The following STARD13 variants were observed in gnomAD, a reference collection of about 807,000 sequenced individuals.
STARD13 encodes the protein StAR related lipid transfer domain containing 13, also known as stAR-related lipid transfer protein 13.
STARD13 carries 62 observed loss-of-function variants against 106.4 expected under a neutral mutation model. The observed-to-expected ratio is 0.58, with a 90% CI of 0.48 to 0.72. The LOEUF (loss-of-function observed/expected upper bound fraction) is 0.72, where lower values mean the gene tolerates loss of function less well. Among genes scored for constraint, STARD13 ranks in the 30% least tolerant of loss-of-function variants. The pLI is 0.00. For synonymous variants in STARD13, 565 were observed against 553.0 expected, an observed-to-expected ratio of 1.02 and a Z score of -0.31; for missense variants, 1,387 against 1,424.0, an observed-to-expected ratio of 0.97 and a Z score of 0.42.
chr13:33,153,718 G>C (rs1404519395), intron 3 of STARD13, among the ~76,000 whole-genome samples: 2 of 152,220 alleles, frequency 1.3e-5, no homozygotes, highest in Non-Finnish European at 2.9e-5. Context: ...CTCTCGTGTT[G>C]ATTTAATGAC....
rs182530841 is a variant in STARD13, at chr13:33,156,718, C to A, written c.323+8619G>T. Among the ~76,000 whole-genome samples, 398 of 152,210 alleles carry A rather than the reference C, an allele frequency of 2.6e-3. 3 individuals are homozygous for A. Among genetic ancestry groups the A allele is most frequent in the African/African-American group, 9.3e-3 (385 of 41,508 alleles). ...CTGAAGAGCTTAAAACAGACAGGAG[C>A]CTATCTTACAGTGTTACCATGAGAA... On this transcript the variant is annotated intron_variant, in intron 3 of 13. Coordinates refer to ENST00000336934, the MANE Select transcript of STARD13 (RefSeq NM_178006.4).
the STARD13 span, among the ~76,000 whole-genome samples, chr13:33,605,100 G>A: frequency 1.4e-4 from 22 of 151,820 alleles, no homozygotes; most frequent in African/African-American, 4.8e-4. Context: ...TTAGCTGGGT[G>A]TGGTGGTGTG....
chr13:33,223,150 C>T (rs1888444097), intron 1 of STARD13, among the ~76,000 whole-genome samples: 1 of 152,226 alleles, frequency 6.6e-6, no homozygotes, highest in Non-Finnish European at 1.5e-5. Flanking sequence ...ATTACCCAGC[C>T]TGTGCTGGCA....
chr13:33,324,394 C>T (rs114103366), intron 1 of STARD13, among the ~76,000 whole-genome samples: 46 of 152,280 alleles, frequency 3.0e-4, no homozygotes, highest in African/African-American at 1.0e-3. Context: ...AGGGCTGATA[C>T]TGAACTTAGA....
At chr13:33,528,394 G>C in the STARD13 span, among the ~76,000 whole-genome samples, 4 of 150,052 alleles carry the variant, frequency 2.7e-5, no homozygotes, top group Admixed American at 6.7e-5. Flanking sequence ...TTCAGTCTCC[G>C]ATGTAGCTGA....
chr13:33,653,290 C>T, the STARD13 span, among the ~76,000 whole-genome samples: 2 of 152,054 alleles, frequency 1.3e-5, no homozygotes, highest in African/African-American at 2.4e-5. Flanking sequence ...TATAAACTTG[C>T]AGTAATCAAA....
chr13:33,118,826 A>G (rs1238273123), intron 7 of STARD13, among the ~76,000 whole-genome samples: 2 of 152,244 alleles, frequency 1.3e-5, no homozygotes, highest in African/African-American at 2.4e-5. Flanking sequence ...GACTAATATC[A>G]TAAGTACATA....
chr13:33,204,295 T>C (rs980238639), intron 1 of STARD13, among the ~76,000 whole-genome samples: 24 of 152,214 alleles, frequency 1.6e-4, no homozygotes, highest in African/African-American at 5.8e-4. Flanking sequence ...AACAACAGTA[T>C]GTTCCAGTAT....
At chr13:33,665,877 G>C in the STARD13 span, among the ~76,000 whole-genome samples, 2 of 152,138 alleles carry the variant, frequency 1.3e-5, no homozygotes, top group Non-Finnish European at 2.9e-5. Context: ...ATTAATGAGA[G>C]TCTCAAGGGG....
chr13:33,319,379 G>A (rs1893465694), intron 1 of STARD13, among the ~76,000 whole-genome samples: 2 of 152,132 alleles, frequency 1.3e-5, no homozygotes, highest in African/African-American at 2.4e-5. Flanking sequence ...ACTGTTGGAG[G>A]GAGGGGAAAT....
chr13:33,477,091 A>T, the STARD13 span, among the ~76,000 whole-genome samples: 2 of 152,282 alleles, frequency 1.3e-5, no homozygotes, highest in Non-Finnish European at 2.9e-5. Flanking sequence ...ATGCCCAAAC[A>T]GCTGACAAAT....
At chr13:33,147,182 C>A (rs905230847) in intron 3 of STARD13, among the ~76,000 whole-genome samples, 38 of 152,020 alleles carry the variant, frequency 2.5e-4, no homozygotes, top group Non-Finnish European at 1.2e-4. Context: ...AAGATGCTAA[C>A]CAAAAAGCTT....
chr13:33,524,749 T>C, the STARD13 span, among the ~76,000 whole-genome samples: 14 of 152,226 alleles, frequency 9.2e-5, no homozygotes, highest in South Asian at 2.9e-3. Flanking sequence ...ATTGTATATA[T>C]TTATGGTGTA....
At chr13:33,109,098 A>G (rs1031301748) in intron 12 of STARD13, among the ~76,000 whole-genome samples, 17 of 152,186 alleles carry the variant, frequency 1.1e-4, no homozygotes, top group African/African-American at 3.9e-4. Context: ...GAGTTTCACA[A>G]TAGGTTCCTT....
At chr13:33,501,111 TTTTGCTCTGTTGC>T in the STARD13 span, among the ~76,000 whole-genome samples, 1 of 142,070 alleles carries the variant, frequency 7.0e-6, no homozygotes, top group Non-Finnish European at 1.5e-5. Flanking sequence ...TGAGACAGTG[TTTTGCTCTGTTGC>T]TCAGGCTGGA....
At chr13:33,593,808 T>G in the STARD13 span, among the ~76,000 whole-genome samples, 1 of 152,148 alleles carries the variant, frequency 6.6e-6, no homozygotes, top group Non-Finnish European at 1.5e-5. Context: ...CCCATCTCTC[T>G]AGAGATGGGA....
intron 5 of STARD13, 109 bp downstream of exon 5, chr13:33,128,820 C>T (rs1877653381): frequency 2.7e-6 from 3 of 1,129,722 alleles, no homozygotes; most frequent in Non-Finnish European, 2.5e-6. Context: ...TCACTTAGAA[C>T]AGAGTCAGGC....
chr13:33,548,904 A>G, the STARD13 span, among the ~76,000 whole-genome samples: 13 of 152,190 alleles, frequency 8.5e-5, no homozygotes, highest in Non-Finnish European at 5.9e-5. Context: ...GTAAAGAAAG[A>G]CAAAATCAAA....
chr13:33,546,892 A>C, the STARD13 span, among the ~76,000 whole-genome samples: 1 of 152,296 alleles, frequency 6.6e-6, no homozygotes, highest in African/African-American at 2.4e-5. Context: ...TTAAAGTGAA[A>C]GTATTGATGA....
Sources: allele counts gnomAD v4.1 joint callset (sites outside exome capture counted in the v4.1 genomes callset), GRCh38; gene constraint gnomAD v4.1.1; transcripts MANE v1.5; gene names NCBI Gene and HGNC (gene_info 2026-07-23, HGNC 2026-07-21).